The following GRIK2 variants were observed in gnomAD, a reference collection of about 807,000 sequenced individuals.
GRIK2 encodes the protein glutamate receptor ionotropic, kainate 2.
A neutral mutation model predicts 100.3 loss-of-function variants in GRIK2; 32 were observed. The ratio of observed to expected loss-of-function variants is 0.32; its 90% CI spans 0.24 to 0.43. GRIK2 has a LOEUF of 0.43. Ranked by LOEUF, GRIK2 falls within the 20% of genes least tolerant of loss-of-function variation. GRIK2 has a pLI of 1.00. For missense variants in GRIK2, 843 were observed against 1,114.9 expected, an observed-to-expected ratio of 0.76 and a Z score of 3.47; for synonymous variants, 417 against 389.4, an observed-to-expected ratio of 1.07 and a Z score of -0.83.
chr6:101,440,399 C>T (rs779134860), intron 2 of GRIK2, among the ~76,000 whole-genome samples: 9 of 152,162 alleles, frequency 5.9e-5, no homozygotes, highest in Non-Finnish European at 1.2e-4. Flanking sequence ...TTAAGATAAT[C>T]CTGCTGAGGC....
At chr6:101,717,705 T>C (rs549249491) in intron 7 of GRIK2, among the ~76,000 whole-genome samples, 1 of 151,962 alleles carries the variant, frequency 6.6e-6, no homozygotes, top group South Asian at 2.1e-4. Flanking sequence ...GAATATGTAC[T>C]GAATTGAACA....
At chr6:101,625,266 G>A (rs1000756744) in intron 3 of GRIK2, among the ~76,000 whole-genome samples, 7 of 152,026 alleles carry the variant, frequency 4.6e-5, no homozygotes, top group Middle Eastern at 6.8e-3. Flanking sequence ...CCAGCTACTC[G>A]GGAGGCTGAG....
At chr6:101,474,899 G>A (rs1772149364) in intron 2 of GRIK2, among the ~76,000 whole-genome samples, 1 of 151,854 alleles carries the variant, frequency 6.6e-6, no homozygotes, top group Admixed American at 6.6e-5. Context: ...TACACTTGTA[G>A]TAAAATTTAA....
intron 2 of GRIK2, among the ~76,000 whole-genome samples, chr6:101,604,931 G>A (rs1288016325): frequency 2.0e-5 from 3 of 151,968 alleles, no homozygotes; most frequent in South Asian, 2.1e-4. Context: ...TTGGAGAAAC[G>A]ACAAGAACAA....
chr6:101,686,447 A>G, intron 7 of GRIK2, 94 bp downstream of exon 7: 1 of 874,856 alleles, frequency 1.1e-6, no homozygotes, highest in Non-Finnish European at 1.8e-6. Context: ...TATAAACTTC[A>G]GTTTAATTGT....
At chr6:101,552,758 A>T (rs1013571743) in intron 2 of GRIK2, among the ~76,000 whole-genome samples, 1 of 152,162 alleles carries the variant, frequency 6.6e-6, no homozygotes, top group African/African-American at 2.4e-5. Flanking sequence ...TCAGCATTCT[A>T]TTATAAGCTT....
At chr6:101,938,671 TAAAG>T (rs1400568537) in intron 14 of GRIK2, among the ~76,000 whole-genome samples, 1 of 152,048 alleles carries the variant, frequency 6.6e-6, no homozygotes, top group African/African-American at 2.4e-5. Flanking sequence ...ATTTTATAAA[TAAAG>T]AACTCTCCAG....
At chr6:101,868,301 G>A (rs1237686331) in intron 11 of GRIK2, among the ~76,000 whole-genome samples, 1 of 151,466 alleles carries the variant, frequency 6.6e-6, no homozygotes, top group Non-Finnish European at 1.5e-5. Flanking sequence ...CAAACAAAAT[G>A]TATGTAAAAA....
intron 2 of GRIK2, among the ~76,000 whole-genome samples, chr6:101,447,682 TA>T (rs1379770319): frequency 6.6e-6 from 1 of 151,724 alleles, no homozygotes; most frequent in East Asian, 1.9e-4. Context: ...GATTGATTTT[TA>T]TTTATGACCA....
In GRIK2 at chr6:102,000,298, C is replaced by T. The variant is rs754770443; in HGVS notation, c.2086-35043C>T. On this transcript the variant is annotated intron_variant, in intron 14 of 16. Coordinates refer to ENST00000369134, the MANE Select transcript of GRIK2 (RefSeq NM_021956.5). Reference sequence around the variant, plus strand: ...AGGCTTTTTTTTTTTTTTTTTGATACGGAGGGTACACATGCAGGTCTGTTA... The same window carrying T: ...AGGCTTTTTTTTTTTTTTTTTGATATGGAGGGTACACATGCAGGTCTGTTA... Among the ~76,000 whole-genome samples the T allele has an allele frequency of 5.8e-5, 7 of 121,726 alleles. 1 individual carries two copies. The highest frequency in any genetic ancestry group is 9.9e-5 in the Non-Finnish European group (6 of 60,736). The allele number at this position is 121,726 out of a possible 152,430, so 79.9% of individuals were successfully genotyped here.
At chr6:101,563,816 G>A (rs1777132749) in intron 2 of GRIK2, among the ~76,000 whole-genome samples, 1 of 151,864 alleles carries the variant, frequency 6.6e-6, no homozygotes, top group Non-Finnish European at 1.5e-5. Context: ...TTGACTTGGA[G>A]AGCCATTATC....
At chr6:101,534,382 A>G (rs1775588636) in intron 2 of GRIK2, among the ~76,000 whole-genome samples, 1 of 151,922 alleles carries the variant, frequency 6.6e-6, no homozygotes, top group Non-Finnish European at 1.5e-5. Context: ...TTTTTAAGTT[A>G]TGCTGTTTCT....
intron 4 of GRIK2, among the ~76,000 whole-genome samples, chr6:101,667,011 C>T (rs1313820266): frequency 6.6e-6 from 1 of 152,146 alleles, no homozygotes; most frequent in Admixed American, 6.6e-5. Context: ...AGGGAGAAAA[C>T]TAAAGTTTAA....
intron 10 of GRIK2, among the ~76,000 whole-genome samples, chr6:101,823,542 G>C (rs891031010): frequency 6.6e-6 from 1 of 151,356 alleles, no homozygotes; most frequent in African/African-American, 2.4e-5. Context: ...GTTTTTTTGT[G>C]TTTATCGTTA....
At chr6:101,913,732 G>T (rs1485792257) in intron 12 of GRIK2, among the ~76,000 whole-genome samples, 1 of 151,290 alleles carries the variant, frequency 6.6e-6, no homozygotes, top group South Asian at 2.1e-4. Context: ...CATTTTTCCT[G>T]GGAGGAAGAA....
chr6:101,893,996 G>C (rs1787273847), intron 12 of GRIK2, among the ~76,000 whole-genome samples: 2 of 151,194 alleles, frequency 1.3e-5, no homozygotes, highest in Non-Finnish European at 3.0e-5. Flanking sequence ...TTTTGCTGGA[G>C]AGAAACATAC....
intron 10 of GRIK2, among the ~76,000 whole-genome samples, chr6:101,839,746 GA>G (rs1043967290): frequency 2.6e-5 from 4 of 151,916 alleles, no homozygotes; most frequent in African/African-American, 9.7e-5. Flanking sequence ...ATATATGGGG[GA>G]AAAATGAAGA....
intron 7 of GRIK2, among the ~76,000 whole-genome samples, chr6:101,776,243 C>G (rs1778738583): frequency 6.6e-6 from 1 of 152,072 alleles, no homozygotes; most frequent in Admixed American, 6.5e-5. Context: ...CAGTAATTTG[C>G]TAGGATATGA....
intron 12 of GRIK2, among the ~76,000 whole-genome samples, chr6:101,913,439 A>G (rs1390501404): frequency 1.3e-5 from 2 of 151,592 alleles, no homozygotes; most frequent in Admixed American, 6.6e-5. Context: ...CCAATGAAAC[A>G]ATAGTATTTT....
Sources: gnomAD v4.1 joint callset for allele counts (sites outside exome capture counted in the v4.1 genomes callset) on GRCh38, gnomAD v4.1.1 for gene constraint, MANE v1.5 for transcripts, NCBI Gene and HGNC (gene_info 2026-07-23, HGNC 2026-07-21) for gene names.